IRS4: variants seen among roughly 807,000 people sequenced by gnomAD.
The protein encoded by IRS4 is insulin receptor substrate 4, also known as 160 kDa phosphotyrosine protein.
In IRS4, 15 loss-of-function variants were observed where a neutral mutation model predicts 48.6. That is an observed-to-expected ratio of 0.31 (90% CI 0.21 to 0.48). IRS4 has a LOEUF of 0.48. IRS4 is among the 20% of genes least tolerant of loss of function. The probability of loss-of-function intolerance (pLI) is 0.99; values close to 1 mark genes in which losing one functional copy is unlikely to be tolerated. For missense variants in IRS4, 987 were observed against 1,023.4 expected, an observed-to-expected ratio of 0.96 and a Z score of 0.49; for synonymous variants, 459 against 413.2, an observed-to-expected ratio of 1.11 and a Z score of -1.34.
At chrX:108,729,564 T>C (rs2068889586) in intron 1 of IRS4, among the ~76,000 whole-genome samples, 1 of 112,073 alleles carries the variant, frequency 8.9e-6, no homozygotes, top group Non-Finnish European at 1.9e-5. Flanking sequence ...AACCTATGTG[T>C]TTAAAATGTG....
Position 108,733,883 on chromosome X carries a change from C to G in IRS4, c.2462G>C (p.Gly821Ala). The G allele has an allele frequency of 1.7e-6, 2 of 1,211,567 alleles. No homozygotes were observed. Among genetic ancestry groups the G allele is most frequent in the Non-Finnish European group, 1.1e-6 (1 of 895,502 alleles). The change falls in exon 1 of 2, where the codon GGA becomes GCA. Residue 821 changes from glycine (G) to alanine (A), a missense_variant. Around this residue, in one of 4 missense-constraint regions of IRS4, gnomAD observed 720 missense variants for 660.3 expected, o/e 1.09. Coordinates refer to ENST00000372129, the MANE Select transcript of IRS4 (RefSeq NM_001379150.1). ...CACATACTCACTGTTGTCATTCTGT[C>G]CCAAAGGTGAGCTCCGAAAAGGGTT... ...LPNPFRSSPL[G>A]QNDNSEYVPM...
rs748834225 is a variant in IRS4, at chrX:108,734,244, C to T, written c.2101G>A (p.Val701Met). The T allele has an allele frequency of 1.7e-6, 2 of 1,208,903 alleles. No individual in the cohort carries two copies. The highest frequency in any genetic ancestry group is 2.2e-6 in the Non-Finnish European group (2 of 894,890). ...GTGGCCACCCCTGGCCTCATTGGCA[C>T]GTATGGGTCATCCTCATCTTCATCA... is the stretch of plus-strand genomic sequence containing the variant. Reference protein sequence around the residue: ...AFDEDEDDPYVPMRPGVATPL... With the variant: ...AFDEDEDDPYMPMRPGVATPL... Residue 701 changes from valine to methionine, a missense_variant, in exon 1 of 2, where the codon GTG becomes ATG. By Grantham distance (21) the Val-to-Met change is conservative (BLOSUM62 1). Around this residue, in one of 4 missense-constraint regions of IRS4, gnomAD observed 720 missense variants for 660.3 expected, o/e 1.09. Transcript: ENST00000372129.
chrX:108,722,108 T>C lies in IRS4; in HGVS notation c.*411A>G, dbSNP rs2068858036. On this transcript the variant is annotated 3_prime_UTR_variant, in exon 2 of 2. Transcript: ENST00000372129. ...GTGCCCTGGTTTAAAGTTTTTCAAC[T>C]TCAAAATTGAATCTAAATATTTTAC... 8.9e-6 allele frequency: 1 copy of C among 112,230 alleles called. No individual in the cohort carries two copies. The highest frequency in any genetic ancestry group is 3.2e-5 in the African/African-American group (1 of 30,853). 9.2% of individuals were successfully genotyped at this position (112,230 alleles called of 1,213,427 possible). A position where few individuals can be genotyped will look rare whatever the true frequency, so the allele number is the denominator to read the frequency against.
Position 108,735,046 on chromosome X carries a change from A to G in IRS4, c.1299T>C (p.Phe433=). The part of the protein sequence containing the change: ...RRAVSVPASF[F]RRLAPSPARP... ...GTGCTGGGCTGGGTGCTAAGCGGCG[A>G]AAAAAGCTGGCCGGCACTGAAACCG... Residue 433 remains phenylalanine, a synonymous_variant, in exon 1 of 2, where the codon TTT becomes TTC. Coordinates refer to ENST00000372129, the MANE Select transcript of IRS4 (RefSeq NM_001379150.1). 1.7e-6 allele frequency: 2 copies of G among 1,211,772 alleles called. No homozygotes were observed. Among genetic ancestry groups the G allele is most frequent in the Non-Finnish European group, 2.2e-6 (2 of 895,533 alleles).
chrX:108,735,955 C>CGCT lies in IRS4; in HGVS notation c.387_389dup (p.Ala133dup). 1 of 1,206,904 alleles carries CGCT rather than the reference C, an allele frequency of 8.3e-7. No individual in the cohort carries two copies. Among genetic ancestry groups the CGCT allele is most frequent in the Non-Finnish European group, 1.1e-6 (1 of 893,230 alleles). ...GGATCGCGGCGCCAGAGGCGGCCGC[C>CGCT]GCTGCTGCAGCCGCCGCGGCGCGGA... On this transcript the variant is annotated inframe_insertion, in exon 1 of 2. Coordinates refer to ENST00000372129, the MANE Select transcript of IRS4 (RefSeq NM_001379150.1).
In IRS4 at chrX:108,733,922, T is replaced by C. The variant is rs1227843980; in HGVS notation, c.2423A>G (p.Tyr808Cys). The change falls in exon 1 of 2, where the codon TAC (tyrosine) becomes TGC (cysteine). Residue 808 changes from tyrosine to cysteine, a missense_variant. Transcript: ENST00000372129. Reference protein sequence around the residue: ...GGSSSKSWSSYFSLPNPFRSS... With the variant: ...GGSSSKSWSSCFSLPNPFRSS... ...CCGAAAAGGGTTTGGTAGAGAGAAG[T>C]AGGAGCTCCAACTTTTGGAGGAAGA... The C allele has an allele frequency of 9.1e-6, 11 of 1,209,746 alleles. No homozygotes were observed. Among genetic ancestry groups the C allele is most frequent in the Non-Finnish European group, 1.2e-5 (11 of 895,145 alleles).
At position 108,736,405 on chromosome X, in the gene IRS4, T is replaced by C; in HGVS notation, c.-61A>G. ...AGGGGGAATTCAGGAAAGGGAGGGT[T>C]GGGGGAAGAGGCTGTCTACCCTCGT... On this transcript the variant is annotated 5_prime_UTR_variant, in exon 1 of 2. Coordinates refer to ENST00000372129, the MANE Select transcript of IRS4 (RefSeq NM_001379150.1). 1 of 1,194,711 alleles carries C rather than the reference T, an allele frequency of 8.4e-7. No homozygotes were observed. The highest frequency in any genetic ancestry group is 1.8e-5 in the South Asian group (1 of 55,207).
chrX:108,732,462 T>A, intron 1 of IRS4, 117 bp downstream of exon 1: 1 of 1,157,223 alleles, frequency 8.6e-7, no homozygotes, highest in East Asian at 3.0e-5. Context: ...AATTCTATAC[T>A]CCATGTCGAA....
At position 108,736,455 on chromosome X, in the gene IRS4, C is replaced by T; in HGVS notation, c.-111G>A. 1 of 1,119,126 alleles carries T rather than the reference C, an allele frequency of 8.9e-7. No individual in the cohort carries two copies. The highest frequency in any genetic ancestry group is 1.2e-6 in the Non-Finnish European group (1 of 836,039). 92.2% of individuals were successfully genotyped at this position (1,119,126 alleles called of 1,213,427 possible). A position where few individuals can be genotyped will look rare whatever the true frequency, so the allele number is the denominator to read the frequency against. On this transcript the variant is annotated 5_prime_UTR_variant, in exon 1 of 2. Coordinates refer to ENST00000372129, the MANE Select transcript of IRS4 (RefSeq NM_001379150.1). ...TCTGCCCGCCCCAGCCCCCTCCTGC[C>T]TTGGCCCGCGCCCCCGCCCACTCCA...
At chrX:108,730,506 T>G (rs749822012) in intron 1 of IRS4, among the ~76,000 whole-genome samples, 22 of 111,980 alleles carry the variant, frequency 2.0e-4, no homozygotes, top group Non-Finnish European at 4.1e-4. Context: ...TGTAAAGTGC[T>G]TTAACATTCC....
At chrX:108,727,715 C>T (rs372463273) in intron 1 of IRS4, among the ~76,000 whole-genome samples, 1 of 111,929 alleles carries the variant, frequency 8.9e-6, no homozygotes. Flanking sequence ...AACGTCTGGG[C>T]TATTTTTATA....
rs137853896 is a variant in IRS4, at chrX:108,735,030, T to A, written c.1315A>T (p.Ser439Cys). 7.2e-4 allele frequency: 872 copies of A among 1,210,186 alleles called. 3 individuals carry two copies. Among genetic ancestry groups the A allele is most frequent in the South Asian group, 1.0e-3 (57 of 56,850 alleles). The change falls in exon 1 of 2, where the codon AGC (serine) becomes TGC (cysteine). Residue 439 changes from serine to cysteine, a missense_variant. By Grantham distance (112) the Ser-to-Cys change is moderately radical (BLOSUM62 -1). This residue lies in a region of IRS4 where 720 missense variants were observed against 660.3 expected (regional missense o/e 1.09). Coordinates refer to ENST00000372129, the MANE Select transcript of IRS4 (RefSeq NM_001379150.1). ...GCAGGGTGCCGGGGACGTGCTGGGC[T>A]GGGTGCTAAGCGGCGAAAAAAGCTG... Reference protein sequence around the residue: ...PASFFRRLAPSPARPRHPAEA... With the variant: ...PASFFRRLAPCPARPRHPAEA...
In IRS4 at chrX:108,722,039, A is replaced by G. The variant is rs2068857750; in HGVS notation, c.*480T>C. Reference sequence around the variant, plus strand: ...GTGTAATACTCGGAAAAAAGATTCCAGATCATACCTTCCTTCCAATTATGA... The same window carrying G: ...GTGTAATACTCGGAAAAAAGATTCCGGATCATACCTTCCTTCCAATTATGA... On this transcript the variant is annotated 3_prime_UTR_variant, in exon 2 of 2. Transcript: ENST00000372129. 8.9e-6 allele frequency: 1 copy of G among 112,224 alleles called. No individual in the cohort carries two copies. Among genetic ancestry groups the G allele is most frequent in the African/African-American group, 3.2e-5 (1 of 30,851 alleles). 9.2% of individuals were successfully genotyped at this position (112,224 alleles called of 1,213,427 possible). A position where few individuals can be genotyped will look rare whatever the true frequency, so the allele number is the denominator to read the frequency against.
At chrX:108,732,263 A>C (rs1249853864) in intron 1 of IRS4, among the ~76,000 whole-genome samples, 1 of 112,529 alleles carries the variant, frequency 8.9e-6, no homozygotes, top group African/African-American at 3.2e-5. Flanking sequence ...CCTGCTTTAC[A>C]TTATCATTAA....
Position 108,734,767 on chromosome X carries a change from T to A in IRS4, c.1578A>T (p.Gly526=), listed in dbSNP as rs756602720. 3 of 1,211,122 alleles carry A rather than the reference T, an allele frequency of 2.5e-6. No homozygotes were observed. The highest frequency in any genetic ancestry group is 3.4e-6 in the Non-Finnish European group (3 of 895,328). The change falls in exon 1 of 2, where the codon GGA becomes GGT. Residue 526 remains glycine, a synonymous_variant. Coordinates refer to ENST00000372129, the MANE Select transcript of IRS4 (RefSeq NM_001379150.1). ...SSGGNQCSGE[G]QGSRGGQGSN... Reference sequence around the variant, plus strand: ...AGCCCTGACCACCTCGGGATCCCTGTCCCTCGCCTGAACACTGGTTTCCTC... The same window carrying A: ...AGCCCTGACCACCTCGGGATCCCTGACCCTCGCCTGAACACTGGTTTCCTC...
In IRS4 at chrX:108,734,889, C is replaced by T. The variant is rs1385019930; in HGVS notation, c.1456G>A (p.Asp486Asn). The change falls in exon 1 of 2, where the codon GAC (aspartate) becomes AAC (asparagine). Residue 486 changes from aspartate to asparagine, a missense_variant. Coordinates refer to ENST00000372129, the MANE Select transcript of IRS4 (RefSeq NM_001379150.1). ...GKEDQEGSGG[D>N]YMPMNNWGSG... ...CCCCAATTGTTCATAGGCATGTAGT[C>T]ACCTCCGCTTCCTTCCTGATCTTCT... 2 of 1,210,464 alleles carry T rather than the reference C, an allele frequency of 1.7e-6. No homozygotes were observed. Among genetic ancestry groups the T allele is most frequent in the Non-Finnish European group, 2.2e-6 (2 of 895,362 alleles).
At chrX:108,725,171 T>C (rs1022903209) in intron 1 of IRS4, among the ~76,000 whole-genome samples, 2 of 111,465 alleles carry the variant, frequency 1.8e-5, no homozygotes, top group East Asian at 2.8e-4. Flanking sequence ...GACCTCTTTA[T>C]ATGAATCATA....
chrX:108,722,484 C>G lies in IRS4; in HGVS notation c.*35G>C, dbSNP rs1205129435. ...CGAAGATAAAATTCCATAAGCATCA[C>G]TTTTCTTCTAAAATGTGTTTTTGTG... is the stretch of plus-strand genomic sequence containing the variant. On this transcript the variant is annotated 3_prime_UTR_variant, in exon 2 of 2. Transcript: ENST00000372129. 1.2e-5 allele frequency: 4 copies of G among 326,027 alleles called. No homozygotes were observed. Among genetic ancestry groups the G allele is most frequent in the Admixed American group, 3.2e-5 (1 of 31,478 alleles). 26.9% of individuals were successfully genotyped at this position (326,027 alleles called of 1,213,427 possible). A position where few individuals can be genotyped will look rare whatever the true frequency, so the allele number is the denominator to read the frequency against.
rs1156243456 is a variant in IRS4 at position 108,735,674 on chromosome X, G to C, written c.671C>G (p.Ala224Gly). Residue 224 changes from alanine (A) to glycine (G), a missense_variant, in exon 1 of 2, where the codon GCG becomes GGG. By Grantham distance (60) the Ala-to-Gly change is moderately conservative. This residue lies in a region of IRS4 where 173 missense variants were observed against 208.9 expected (regional missense o/e 0.83). Coordinates refer to ENST00000372129, the MANE Select transcript of IRS4 (RefSeq NM_001379150.1). ...DGEPAALAAA[A>G]AAEPPFYKDV... ...TTTATAGAAGGGTGGCTCCGCCGCCGCTGCCGCCGCCAGCGCGGCCGGCTC... is the reference window on the plus strand; with the variant it reads ...TTTATAGAAGGGTGGCTCCGCCGCCCCTGCCGCCGCCAGCGCGGCCGGCTC... The C allele has an allele frequency of 4.2e-6, 5 of 1,180,785 alleles. No individual in the cohort carries two copies. In the African/African-American group the frequency reaches 7.3e-5, roughly 17 times the overall value.
Sources: gnomAD v4.1 joint callset for allele counts (sites outside exome capture counted in the v4.1 genomes callset) on GRCh38, gnomAD v4.1.1 for gene constraint, gnomAD v4.1.1 regional missense constraint, MANE v1.5 for transcripts, NCBI Gene and HGNC (gene_info 2026-07-23, HGNC 2026-07-21) for gene names.